Variants in DSE observed in about 807,000 individuals in gnomAD.
DSE encodes dermatan-sulfate epimerase.
A neutral mutation model predicts 84.4 loss-of-function variants in DSE; 36 were observed. The ratio of observed to expected loss-of-function variants is 0.43; its 90% CI spans 0.33 to 0.56. The LOEUF is 0.56. DSE is among the 20% of genes least tolerant of loss of function. The pLI, the probability that DSE is intolerant of heterozygous loss-of-function variation, is 0.06. For synonymous variants in DSE, 410 were observed against 430.1 expected (o/e 0.95, Z 0.58); for missense variants, 862 against 1,169.6 (o/e 0.74, Z 3.84).
intron 2 of DSE, among the ~76,000 whole-genome samples, chr6:116,260,068 A>G (rs9488878): frequency 0.031 from 4,754 of 152,296 alleles, 174 homozygotes; most frequent in African/African-American, 0.085. Flanking sequence ...TCACCACACT[A>G]TATTCCACAA....
chr6:116,338,776 T>G (rs1436093845), intron 2 of DSE, among the ~76,000 whole-genome samples: 1 of 152,224 alleles, frequency 6.6e-6, no homozygotes, highest in African/African-American at 2.4e-5. Flanking sequence ...TCCAGTCAAG[T>G]GTTGTACAGG....
At chr6:116,295,080 G>T (rs993089149) in intron 2 of DSE, among the ~76,000 whole-genome samples, 3 of 152,092 alleles carry the variant, frequency 2.0e-5, no homozygotes, top group African/African-American at 4.8e-5. Flanking sequence ...AGGAATATTA[G>T]GTATATTCTA....
At chr6:116,380,967 A>G (rs1383868716) in intron 1 of DSE, among the ~76,000 whole-genome samples, 15 of 152,192 alleles carry the variant, frequency 9.9e-5, no homozygotes. Context: ...CAGAAGTGTC[A>G]GCTCTTCTGT....
upstream of DSE, among the ~76,000 whole-genome samples, chr6:116,365,813 C>T (rs939021779): frequency 6.6e-6 from 1 of 152,186 alleles, no homozygotes; most frequent in African/African-American, 2.4e-5. Flanking sequence ...AATACTGCCA[C>T]GACAATCCTT....
intron 1 of DSE, among the ~76,000 whole-genome samples, chr6:116,375,328 C>G (rs1271105674): frequency 6.6e-6 from 1 of 151,964 alleles, no homozygotes; most frequent in South Asian, 2.1e-4. Flanking sequence ...TTAAACTGTT[C>G]ATTAATTGGA....
chr6:116,381,888 A>G (rs1450397500), intron 1 of DSE, among the ~76,000 whole-genome samples: 1 of 152,120 alleles, frequency 6.6e-6, no homozygotes, highest in African/African-American at 2.4e-5. Flanking sequence ...AAATCTAAAA[A>G]TCTGTCAGCA....
chr6:116,382,396 C>T (rs564795842), intron 1 of DSE, among the ~76,000 whole-genome samples: 8 of 152,250 alleles, frequency 5.3e-5, no homozygotes, highest in African/African-American at 1.9e-4. Context: ...TCCTTTCTGC[C>T]TGGGCCTACA....
rs1164896385 is a variant in DSE, at chr6:116,439,440, T to C, written c.*2095T>C. The C allele has an allele frequency of 6.6e-6, 1 of 151,992 alleles. No homozygotes were observed. The highest frequency in any genetic ancestry group is 2.4e-5 in the African/African-American group (1 of 41,416). 9.4% of individuals were successfully genotyped at this position (151,992 alleles called of 1,614,324 possible). ...GAATTAAAATTATGTGTTTTTTTTT[T>C]TTCTTCTAATGAACCTGGTATTTAT... On this transcript the variant is annotated 3_prime_UTR_variant, in exon 6 of 6. Transcript: ENST00000644252.
At chr6:116,269,337 T>C (rs1188045253) in intron 2 of DSE, among the ~76,000 whole-genome samples, 1 of 152,220 alleles carries the variant, frequency 6.6e-6, no homozygotes, top group Non-Finnish European at 1.5e-5. Flanking sequence ...TTTCAATAAA[T>C]AGAAGCTGAC....
chr6:116,283,060 A>G (rs192375899), intron 2 of DSE, among the ~76,000 whole-genome samples: 37 of 152,332 alleles, frequency 2.4e-4, no homozygotes, highest in Middle Eastern at 3.4e-3. Flanking sequence ...TTTCTTTTAC[A>G]TGACACAGGT....
chr6:116,332,038 A>G (rs1366438189), intron 2 of DSE, among the ~76,000 whole-genome samples: 1 of 152,232 alleles, frequency 6.6e-6, no homozygotes, highest in Non-Finnish European at 1.5e-5. Flanking sequence ...GATAGTTCTT[A>G]GAATTGAGTT....
intron 2 of DSE, among the ~76,000 whole-genome samples, chr6:116,415,611 T>C (rs1314903430): frequency 6.6e-6 from 1 of 151,446 alleles, no homozygotes; most frequent in Non-Finnish European, 1.5e-5. Context: ...TTTTTTTTTT[T>C]CCTCTGCTGT....
chr6:116,375,219 C>T (rs1779848959), intron 1 of DSE, among the ~76,000 whole-genome samples: 1 of 149,180 alleles, frequency 6.7e-6, no homozygotes, highest in Admixed American at 6.7e-5. Flanking sequence ...GTGTACTGAT[C>T]GATGTACCAT....
At chr6:116,375,602 T>C in intron 1 of DSE, 1 of 960,656 alleles carries the variant, frequency 1.0e-6, no homozygotes, top group Non-Finnish European at 1.2e-6. Flanking sequence ...AAGAGTGGCT[T>C]GATTAGTTGA....
At chr6:116,387,606 G>A (rs916584161) in intron 1 of DSE, among the ~76,000 whole-genome samples, 1 of 152,108 alleles carries the variant, frequency 6.6e-6, no homozygotes, top group African/African-American at 2.4e-5. Flanking sequence ...CTAAAATCTT[G>A]ACTGTGACTC....
chr6:116,277,918 A>C (rs1182881000), intron 2 of DSE: 1 of 151,952 alleles, frequency 6.6e-6, no homozygotes, highest in Non-Finnish European at 1.5e-5. Flanking sequence ...CAAAAAAAAA[A>C]AAAAAAAAAA....
intron 2 of DSE, among the ~76,000 whole-genome samples, chr6:116,260,384 CT>C (rs1226295126): frequency 6.6e-6 from 1 of 152,074 alleles, no homozygotes; most frequent in Non-Finnish European, 1.5e-5. Context: ...GGATATTAGA[CT>C]TTTGTCACAT....
At chr6:116,279,544 G>C (rs1773365577) in intron 2 of DSE, 1 of 1,604,572 alleles carries the variant, frequency 6.2e-7, no homozygotes, top group South Asian at 1.1e-5. Flanking sequence ...TTCCTGCCCG[G>C]CTTTGATCGC....
chr6:116,279,934 A>T, intron 2 of DSE: 4 of 1,531,950 alleles, frequency 2.6e-6, no homozygotes, highest in Non-Finnish European at 3.6e-6. Context: ...TCTCACTAAC[A>T]TTTCAGCGGC....
Sources: gnomAD v4.1 joint callset for allele counts (sites outside exome capture counted in the v4.1 genomes callset) on GRCh38, gnomAD v4.1.1 for gene constraint, MANE v1.5 for transcripts, NCBI Gene and HGNC (gene_info 2026-07-23, HGNC 2026-07-21) for gene names.